The following KIF13B variants were observed in gnomAD, a reference collection of about 807,000 sequenced individuals.
The protein encoded by KIF13B is kinesin-like protein KIF13B.
A neutral mutation model predicts 222.0 loss-of-function variants in KIF13B; 127 were observed. That is an observed-to-expected ratio of 0.57 (90% confidence interval 0.50 to 0.66). The LOEUF (loss-of-function observed/expected upper bound fraction) is 0.66. KIF13B is among the 30% of genes least tolerant of loss of function. The pLI, the probability that KIF13B is intolerant of heterozygous loss-of-function variation, is 0.00. For missense variants in KIF13B, 2,173 were observed against 2,379.0 expected, an observed-to-expected ratio of 0.91 and a Z score of 1.80; for synonymous variants, 976 against 919.0, an observed-to-expected ratio of 1.06 and a Z score of -1.12.
At chr8:29,154,078 AGGAG>A (rs1344577668) in intron 14 of KIF13B, among the ~76,000 whole-genome samples, 2 of 152,226 alleles carry the variant, frequency 1.3e-5, no homozygotes, top group Non-Finnish European at 2.9e-5. Context: ...TGTGAGGTCA[AGGAG>A]GGAGGATCAT....
intron 31 of KIF13B, among the ~76,000 whole-genome samples, chr8:29,114,974 A>T (rs1809527375): frequency 6.6e-6 from 1 of 152,170 alleles, no homozygotes; most frequent in Non-Finnish European, 1.5e-5. Context: ...AGACAGAGAG[A>T]GTGAATGGGT....
intron 2 of KIF13B, among the ~76,000 whole-genome samples, chr8:29,224,536 CAA>C (rs1426375234): frequency 6.6e-6 from 1 of 152,104 alleles, no homozygotes; most frequent in African/African-American, 2.4e-5. Context: ...GTATTGGTGA[CAA>C]AGTCACAGGT....
At chr8:29,163,369 C>A (rs1006936525) in intron 12 of KIF13B, among the ~76,000 whole-genome samples, 8 of 152,136 alleles carry the variant, frequency 5.3e-5, no homozygotes, top group African/African-American at 1.9e-4. Flanking sequence ...GGCTTGCACC[C>A]CACAGGAAGA....
In KIF13B at chr8:29,072,110, C is replaced by G. The variant is rs762937537; in HGVS notation, c.4728G>C (p.Ala1576=). 9.3e-5 allele frequency: 127 copies of G among 1,362,502 alleles called. No individual in the cohort carries two copies. Among genetic ancestry groups the G allele is most frequent in the Non-Finnish European group, 1.2e-4 (122 of 1,054,952 alleles). 84.4% of individuals were successfully genotyped at this position (1,362,502 alleles called of 1,614,324 possible). The part of the protein sequence containing the change: ...SGYFSHSVST[A]TLSDALGPGL... ...CGGGGCCCAGGGCGTCCGACAGGGT[C>G]GCGGTGGAGACGCTGTGGGAGAAGT... Residue 1576 remains alanine (A), a synonymous_variant, in exon 39 of 40, where the codon GCG becomes GCC. Coordinates refer to ENST00000524189, the MANE Select transcript of KIF13B (RefSeq NM_015254.4).
chr8:29,106,689 T>C (rs570268084), intron 35 of KIF13B, among the ~76,000 whole-genome samples: 2 of 149,870 alleles, frequency 1.3e-5, no homozygotes, highest in African/African-American at 2.5e-5. Context: ...TTAATCTTCA[T>C]TGTTCTTAAG....
chr8:29,112,431 CAAAAAAAA>C (rs34908319), intron 32 of KIF13B, among the ~76,000 whole-genome samples: 4 of 78,280 alleles, frequency 5.1e-5, no homozygotes, highest in African/African-American at 2.1e-4. Flanking sequence ...GACTCAGTCT[CAAAAAAAA>C]AAAAAAAAAA....
chr8:29,253,902 AAAAC>A (rs1816377374), intron 1 of KIF13B, among the ~76,000 whole-genome samples: 1 of 152,096 alleles, frequency 6.6e-6, no homozygotes, highest in East Asian at 1.9e-4. Context: ...TTGAAAAAGA[AAAAC>A]AAAGTCAGAG....
chr8:29,254,723 T>C (rs1348356134), intron 1 of KIF13B, among the ~76,000 whole-genome samples: 1 of 152,226 alleles, frequency 6.6e-6, no homozygotes, highest in East Asian at 1.9e-4. Context: ...ATGGTTCATA[T>C]GCTTTGGAAA....
chr8:29,237,054 A>ATATTGAAT (rs1815543594), intron 2 of KIF13B, among the ~76,000 whole-genome samples: 1 of 152,164 alleles, frequency 6.6e-6, no homozygotes. Context: ...TGATGTTCGA[A>ATATTGAAT]TATTGAATGC....
chr8:29,088,703 T>A (rs1177297770), intron 37 of KIF13B, among the ~76,000 whole-genome samples: 1 of 152,228 alleles, frequency 6.6e-6, no homozygotes, highest in Non-Finnish European at 1.5e-5. Flanking sequence ...CTTCTTCCTG[T>A]TATTTGCAAT....
chr8:29,101,906 ACTCACTCGATTTTT>A (rs11270987), intron 35 of KIF13B, among the ~76,000 whole-genome samples: 19,516 of 151,934 alleles, frequency 0.13, 1,312 homozygotes, highest in African/African-American at 0.17. Context: ...CACTGGAATT[ACTCACTCGATTTTT>A]CTCCTGCACT....
chr8:29,188,725 AT>A, intron 4 of KIF13B, 118 bp from the exon 5 acceptor site: 1 of 657,318 alleles, frequency 1.5e-6, no homozygotes, highest in South Asian at 2.0e-5. Context: ...TCCAAACAAG[AT>A]TTTTAAATTT....
intron 24 of KIF13B, among the ~76,000 whole-genome samples, chr8:29,128,278 A>T (rs1030876889): frequency 1.3e-5 from 2 of 152,112 alleles, no homozygotes; most frequent in Non-Finnish European, 1.5e-5. Flanking sequence ...ACTGACTTCA[A>T]ACTTGGTTTA....
rs116526581 is a variant in KIF13B at position 29,214,172 on chromosome 8, G to A, written c.150-17973C>T. ...GACTTCATTAACACTGTGCACTTAG[G>A]CTACGCTAAATTTATTTTCAAAAAT... On this transcript the variant is annotated intron_variant, in intron 2 of 39. Transcript: ENST00000524189. Among the ~76,000 whole-genome samples, 982 of 152,200 alleles carry A rather than the reference G, an allele frequency of 6.5e-3. 15 individuals carry two copies. The highest frequency in any genetic ancestry group is 0.023 in the African/African-American group (945 of 41,518).
rs546957754 is a variant in KIF13B, at chr8:29,105,987, T to C, written c.4215+2152A>G. Among the ~76,000 whole-genome samples the C allele has an allele frequency of 1.7e-3, 257 of 152,292 alleles. 2 individuals carry two copies. The highest frequency in any genetic ancestry group is 3.3e-3 in the Non-Finnish European group (224 of 68,020). On this transcript the variant is annotated intron_variant, in intron 35 of 39. Transcript: ENST00000524189. Reference sequence around the variant, plus strand: ...AGAAAAACAGAAGAATTTTGGCCACTTCTTTCAAGGAACTTATAATTGGAG... The same window carrying C: ...AGAAAAACAGAAGAATTTTGGCCACCTCTTTCAAGGAACTTATAATTGGAG...
At chr8:29,160,284 C>T (rs1480051770) in intron 13 of KIF13B, among the ~76,000 whole-genome samples, 1 of 152,094 alleles carries the variant, frequency 6.6e-6, no homozygotes, top group Non-Finnish European at 1.5e-5. Flanking sequence ...TTAATTTTTC[C>T]TAAGAGTTAC....
intron 18 of KIF13B, among the ~76,000 whole-genome samples, chr8:29,145,537 A>G (rs1291424416): frequency 2.6e-5 from 4 of 152,184 alleles, no homozygotes; most frequent in Non-Finnish European, 5.9e-5. Context: ...AGGCTGAGGC[A>G]GGAGAATCGC....
At chr8:29,114,400 C>T (rs552163137) in intron 31 of KIF13B, among the ~76,000 whole-genome samples, 2 of 152,298 alleles carry the variant, frequency 1.3e-5, no homozygotes, top group South Asian at 2.1e-4. Flanking sequence ...TCTCAGAATG[C>T]AGAGAGACCA....
intron 29 of KIF13B, among the ~76,000 whole-genome samples, chr8:29,121,011 AC>A (rs1216985855): frequency 1.6e-5 from 2 of 126,850 alleles, no homozygotes; most frequent in South Asian, 5.8e-4. Context: ...TCCTTCGCCC[AC>A]TTTTTGATGG....
Sources: allele counts gnomAD v4.1 joint callset (sites outside exome capture counted in the v4.1 genomes callset), GRCh38; gene constraint gnomAD v4.1.1; transcripts MANE v1.5; gene names NCBI Gene and HGNC (gene_info 2026-07-23, HGNC 2026-07-21).